Variants in PAPSS2 observed in about 807,000 individuals in gnomAD.
PAPSS2 encodes the protein bifunctional 3'-phosphoadenosine 5'-phosphosulfate synthase 2.
Under a neutral mutation model 66.5 loss-of-function variants are expected in PAPSS2, and 61 were observed. The observed-to-expected ratio is 0.92, with a 90% confidence interval of 0.75 to 1.14. The LOEUF (loss-of-function observed/expected upper bound fraction) is 1.14, where lower values mean the gene tolerates loss of function less well. Ranked by LOEUF, PAPSS2 falls within the 50% of genes most tolerant of loss-of-function variation. The pLI, the probability that PAPSS2 is intolerant of heterozygous loss-of-function variation, is 0.00. For missense variants in PAPSS2, 708 were observed against 789.6 expected (o/e 0.90, Z 1.24); for synonymous variants, 289 against 287.5 (o/e 1.01, Z -0.05).
At chr10:87,680,051 T>C (rs1486504575) in intron 1 of PAPSS2, among the ~76,000 whole-genome samples, 1 of 149,200 alleles carries the variant, frequency 6.7e-6, no homozygotes, top group Non-Finnish European at 1.5e-5. Flanking sequence ...AAAGTCACTC[T>C]CATCACAGTC....
At chr10:87,675,814 A>C (rs2131900006) in intron 1 of PAPSS2, among the ~76,000 whole-genome samples, 1 of 152,224 alleles carries the variant, frequency 6.6e-6, no homozygotes, top group Admixed American at 6.5e-5. Flanking sequence ...CAGTCTTCAA[A>C]AACTGGCTAC....
intron 2 of PAPSS2, among the ~76,000 whole-genome samples, chr10:87,709,577 G>A (rs1853440587): frequency 2.0e-5 from 3 of 152,082 alleles, no homozygotes; most frequent in South Asian, 2.1e-4. Context: ...AGGAAAGGAC[G>A]GGACAAGATG....
At chr10:87,663,985 C>T (rs1852785618) in intron 1 of PAPSS2, among the ~76,000 whole-genome samples, 1 of 152,156 alleles carries the variant, frequency 6.6e-6, no homozygotes, top group African/African-American at 2.4e-5. Flanking sequence ...TGGGTCACTG[C>T]AGTCTCGACC....
In PAPSS2 at chr10:87,714,070, T is replaced by G; in HGVS notation, c.408T>G (p.His136Gln). ...ATCGTGAGAATGCCCGCAAAATACATGAATCAGCAGGGCTGCCATTCTTTG... is the reference window on the plus strand; with the variant it reads ...ATCGTGAGAATGCCCGCAAAATACAGGAATCAGCAGGGCTGCCATTCTTTG... ...AKDRENARKI[H>Q]ESAGLPFFEI... The change falls in exon 4 of 13, where the codon CAT becomes CAG. Residue 136 changes from histidine (H) to glutamine (Q), a missense_variant. Coordinates refer to ENST00000456849, the MANE Select transcript of PAPSS2 (RefSeq NM_001015880.2). 1 of 1,614,000 alleles carries G rather than the reference T, an allele frequency of 6.2e-7. No homozygotes were observed. Among genetic ancestry groups the G allele is most frequent in the Non-Finnish European group, 8.5e-7 (1 of 1,179,860 alleles).
intron 1 of PAPSS2, among the ~76,000 whole-genome samples, chr10:87,682,763 A>G (rs1470432215): frequency 6.6e-6 from 1 of 152,192 alleles, no homozygotes; most frequent in Non-Finnish European, 1.5e-5. Flanking sequence ...CCCTTCCTAC[A>G]TAGATAGATG....
At chr10:87,743,242 C>CA (rs113848137) in intron 10 of PAPSS2, 131 bp from the exon 11 acceptor site, 179,193 of 788,012 alleles carry the variant, frequency 0.23, 6,250 homozygotes, top group African/African-American at 0.3. Context: ...GAGACTCTTT[C>CA]AAAAAAAAAA....
At chr10:87,676,296 A>G (rs1471861873) in intron 1 of PAPSS2, among the ~76,000 whole-genome samples, 1 of 152,214 alleles carries the variant, frequency 6.6e-6, no homozygotes, top group African/African-American at 2.4e-5. Flanking sequence ...GTAAGTCTCC[A>G]GATCTCACTG....
At chr10:87,686,874 G>T (rs2131909310) in intron 1 of PAPSS2, among the ~76,000 whole-genome samples, 1 of 152,222 alleles carries the variant, frequency 6.6e-6, no homozygotes, top group Middle Eastern at 3.4e-3. Flanking sequence ...GGATTCCCAT[G>T]GCCTAGGCAT....
intron 1 of PAPSS2, among the ~76,000 whole-genome samples, chr10:87,680,862 CTT>C (rs893632165): frequency 2.0e-5 from 3 of 152,060 alleles, no homozygotes; most frequent in African/African-American, 4.8e-5. Context: ...GTTATACAAT[CTT>C]TTGTGTTTGG....
At position 87,745,081 on chromosome 10, in the gene PAPSS2, A is replaced by G. The variant is rs1853919742; in HGVS notation, c.1571A>G (p.His524Arg). The part of the protein sequence containing the change: ...IVGRDPAGMP[H>R]PETKKDLYEP... ...GGGAGGGACCCTGCAGGAATGCCCC[A>G]TCCTGAAACCAAGAAGGATCTGTAT... The change falls in exon 12 of 13, where the codon CAT becomes CGT. Residue 524 changes from histidine (H) to arginine (R), a missense_variant. By Grantham distance (29) the His-to-Arg change is conservative. Coordinates refer to ENST00000456849, the MANE Select transcript of PAPSS2 (RefSeq NM_001015880.2). 3.1e-6 allele frequency: 5 copies of G among 1,614,132 alleles called. No individual in the cohort carries two copies. The highest frequency in any genetic ancestry group is 1.3e-5 in the African/African-American group (1 of 75,054).
At chr10:87,713,620 C>G (rs900175824) in intron 3 of PAPSS2, among the ~76,000 whole-genome samples, 13 of 152,104 alleles carry the variant, frequency 8.5e-5, no homozygotes, top group Admixed American at 8.5e-4. Flanking sequence ...AACTCTAAAC[C>G]TCTGTAATTT....
chr10:87,692,337 A>T (rs1325088489), intron 1 of PAPSS2, among the ~76,000 whole-genome samples: 1 of 152,152 alleles, frequency 6.6e-6, no homozygotes, highest in Non-Finnish European at 1.5e-5. Context: ...CCCGCAGCAT[A>T]TGGATGGTAG....
intron 9 of PAPSS2, among the ~76,000 whole-genome samples, chr10:87,728,697 A>G (rs1355844359): frequency 7.2e-5 from 11 of 151,934 alleles, no homozygotes; most frequent in African/African-American, 2.7e-4. Context: ...CCAAGCTGCC[A>G]GTGTACTCTA....
chr10:87,705,277 T>C (rs973100751), intron 1 of PAPSS2, among the ~76,000 whole-genome samples: 5 of 152,252 alleles, frequency 3.3e-5, no homozygotes, highest in African/African-American at 2.4e-5. Flanking sequence ...CTTTTGATTA[T>C]TGAATAGTAT....
intron 1 of PAPSS2, chr10:87,661,153 C>A (rs1589415018): frequency 2.6e-6 from 1 of 387,756 alleles, no homozygotes; most frequent in South Asian, 1.9e-5. Flanking sequence ...AAAAAAAAAA[C>A]AAAATATAAA....
At chr10:87,720,170 G>T (rs59554709) in intron 7 of PAPSS2, among the ~76,000 whole-genome samples, 2,256 of 152,296 alleles carry the variant, frequency 0.015, 53 homozygotes, top group African/African-American at 0.05. Flanking sequence ...AGAGCCATGA[G>T]CCGCTGCACG....
At chr10:87,679,378 T>A (rs1852989016) in intron 1 of PAPSS2, among the ~76,000 whole-genome samples, 2 of 152,134 alleles carry the variant, frequency 1.3e-5, no homozygotes, top group Admixed American at 1.3e-4. Flanking sequence ...CAGAGCAGAG[T>A]GACTATAGTT....
intron 1 of PAPSS2, chr10:87,660,938 C>A: frequency 4.4e-6 from 2 of 455,268 alleles, no homozygotes; most frequent in South Asian, 1.6e-5. Context: ...TCCTACTCAG[C>A]AGTTTGGCCG....
intron 7 of PAPSS2, among the ~76,000 whole-genome samples, chr10:87,716,362 A>G (rs1182612722): frequency 1.3e-5 from 2 of 152,224 alleles, no homozygotes; most frequent in Non-Finnish European, 2.9e-5. Flanking sequence ...CTCTAACAAA[A>G]GAGCATTAAG....
Sources: gnomAD v4.1 joint callset for allele counts (sites outside exome capture counted in the v4.1 genomes callset) on GRCh38, gnomAD v4.1.1 for gene constraint, MANE v1.5 for transcripts, NCBI Gene and HGNC (gene_info 2026-07-23, HGNC 2026-07-21) for gene names.